Variants in MTUS2 observed in about 807,000 individuals in gnomAD.
MTUS2 encodes the protein microtubule-associated tumor suppressor candidate 2.
In MTUS2, 40 loss-of-function variants were observed where a neutral mutation model predicts 114.1. The observed-to-expected ratio is 0.35, with a 90% CI of 0.27 to 0.46. The LOEUF (loss-of-function observed/expected upper bound fraction) is 0.46, where lower values mean the gene tolerates loss of function less well. Ranked by LOEUF, MTUS2 falls within the 20% of genes least tolerant of loss-of-function variation. MTUS2 has a pLI of 1.00. For missense variants in MTUS2, 1,679 were observed against 1,705.4 expected (o/e 0.98, Z 0.27); for synonymous variants, 688 against 672.0 (o/e 1.02, Z -0.37).
At position 29,001,432 on chromosome 13, in the gene MTUS2, C is replaced by T. The variant is rs1311363565; in HGVS notation, c.-242-23025C>T. Among the ~76,000 whole-genome samples, 5 of 152,020 alleles carry T rather than the reference C, an allele frequency of 3.3e-5. No individual in the cohort carries two copies. In the South Asian group the frequency reaches 6.2e-4, roughly 19 times the overall value. ...TGACAGAACTAGATGACAGGTTGCA[C>T]GTGGAATGCGAGAGAAAGGAGGAGT... On this transcript the variant is annotated intron_variant, in intron 2 of 15. Coordinates refer to ENST00000612955, the MANE Select transcript of MTUS2 (RefSeq NM_001033602.4).
chr13:29,243,032 G>C (rs1452343518), intron 5 of MTUS2, among the ~76,000 whole-genome samples: 1 of 152,158 alleles, frequency 6.6e-6, no homozygotes, highest in African/African-American at 2.4e-5. Flanking sequence ...AATGGAAAAG[G>C]TACAAAGAGA....
intron 2 of MTUS2, among the ~76,000 whole-genome samples, chr13:29,011,218 A>C (rs943633715): frequency 6.6e-6 from 1 of 152,198 alleles, no homozygotes; most frequent in African/African-American, 2.4e-5. Context: ...TATATTTAAA[A>C]CATGCCCATG....
At chr13:29,132,119 A>G (rs1472683778) in intron 5 of MTUS2, among the ~76,000 whole-genome samples, 2 of 152,198 alleles carry the variant, frequency 1.3e-5, no homozygotes, top group Non-Finnish European at 2.9e-5. Context: ...CGTTTCATAT[A>G]CTTGTGTCTG....
rs141904897 is a variant in MTUS2, at chr13:29,375,764, C to T, written c.3117+16291C>T. Among the ~76,000 whole-genome samples the T allele has an allele frequency of 4.7e-3, 713 of 150,642 alleles. 6 individuals are homozygous for T. Among genetic ancestry groups the T allele is most frequent in the African/African-American group, 0.017 (680 of 40,900 alleles). On this transcript the variant is annotated intron_variant, in intron 8 of 15. Coordinates refer to ENST00000612955, the MANE Select transcript of MTUS2 (RefSeq NM_001033602.4). ...TAATGGAAACCAAATACCGTATGTT[C>T]TCACTTATAAGTGGAGCTAAGCTAT...
At chr13:28,893,762 AG>A (rs1426654310) in intron 2 of MTUS2, among the ~76,000 whole-genome samples, 1 of 152,208 alleles carries the variant, frequency 6.6e-6, no homozygotes, top group Non-Finnish European at 1.5e-5. Context: ...ATGAGAAGAC[AG>A]GTTAAACAGA....
chr13:29,368,301 G>A (rs955462769), intron 8 of MTUS2, among the ~76,000 whole-genome samples: 2 of 151,892 alleles, frequency 1.3e-5, no homozygotes, highest in Non-Finnish European at 2.9e-5. Context: ...GTGGGACACA[G>A]TACCCTGTGT....
chr13:29,335,310 C>T (rs978322738), intron 7 of MTUS2, among the ~76,000 whole-genome samples: 8 of 152,304 alleles, frequency 5.3e-5, no homozygotes, highest in African/African-American at 1.9e-4. Flanking sequence ...GAGGAAATTC[C>T]TGCCTAATAA....
In MTUS2 at chr13:29,025,886, C is replaced by A; in HGVS notation, c.1188C>A (p.Pro396=). 6.2e-7 allele frequency: 1 copy of A among 1,613,472 alleles called. No homozygotes were observed. Among genetic ancestry groups the A allele is most frequent in the Non-Finnish European group, 8.5e-7 (1 of 1,179,598 alleles). Residue 396 remains proline (P), a synonymous_variant, in exon 3 of 16, where the codon CCC becomes CCA. Transcript: ENST00000612955. The part of the protein sequence containing the change: ...PGEQDSLHTT[P]KQGSASLGGA... Reference sequence around the variant, plus strand: ...AGCAGGATTCTCTCCACACCACCCCCAAACAGGGCTCTGCTTCCTTAGGAG... The same window carrying A: ...AGCAGGATTCTCTCCACACCACCCCAAAACAGGGCTCTGCTTCCTTAGGAG...
chr13:28,994,336 A>G (rs1165041114), intron 2 of MTUS2, among the ~76,000 whole-genome samples: 2 of 152,260 alleles, frequency 1.3e-5, no homozygotes, highest in Non-Finnish European at 2.9e-5. Context: ...AGTCTTTGCT[A>G]GTGTGAATAG....
intron 2 of MTUS2, among the ~76,000 whole-genome samples, chr13:28,890,839 G>A (rs1878877757): frequency 6.6e-6 from 1 of 152,150 alleles, no homozygotes; most frequent in African/African-American, 2.4e-5. Flanking sequence ...GAGGCCTCCA[G>A]GGATTCCACT....
rs147728621 is a variant in MTUS2 at position 29,480,134 on chromosome 13, T to G, written c.3185-16T>G. 3.5e-5 allele frequency: 54 copies of G among 1,551,576 alleles called. No homozygotes were observed. In the African/African-American group the frequency reaches 6.1e-4, roughly 18 times the overall value. On this transcript the variant is annotated splice_polypyrimidine_tract_variant and intron_variant, in intron 9 of 15. Coordinates refer to ENST00000612955, the MANE Select transcript of MTUS2 (RefSeq NM_001033602.4). The surrounding 1 kb of genome is among the most constrained non-coding windows in gnomAD (Gnocchi z 4.4). ...ACGGCCATTTTTTAAAGAAAGATCT[T>G]GTGCTTTGCGCCCAGCCTTCCATAC...
At chr13:28,953,373 G>A (rs765030365) in intron 2 of MTUS2, among the ~76,000 whole-genome samples, 5 of 152,022 alleles carry the variant, frequency 3.3e-5, no homozygotes, top group South Asian at 2.1e-4. Context: ...GCCGGGCATG[G>A]TGGTGTGCAC....
intron 14 of MTUS2, 75 bp downstream of exon 14, chr13:29,498,612 G>T (rs997898481): frequency 4.4e-6 from 7 of 1,586,686 alleles, no homozygotes; most frequent in Non-Finnish European, 2.6e-6. Flanking sequence ...ATCGTTGATG[G>T]TGTTCAGCCA....
chr13:28,832,946 A>G (rs1407334747), intron 1 of MTUS2, among the ~76,000 whole-genome samples: 1 of 152,040 alleles, frequency 6.6e-6, no homozygotes, highest in Admixed American at 6.6e-5. Context: ...AAATAAATTT[A>G]TTTCAACAAA....
At chr13:29,155,032 A>T (rs1376931158) in intron 5 of MTUS2, among the ~76,000 whole-genome samples, 4 of 152,240 alleles carry the variant, frequency 2.6e-5, no homozygotes, top group African/African-American at 7.2e-5. Flanking sequence ...ACCTGAGCTC[A>T]TAGGCGTCTG....
At chr13:28,995,142 A>G (rs1885039800) in intron 2 of MTUS2, among the ~76,000 whole-genome samples, 1 of 152,224 alleles carries the variant, frequency 6.6e-6, no homozygotes, top group Admixed American at 6.5e-5. Flanking sequence ...TCCCAGCACC[A>G]TTTATTAAAT....
intron 8 of MTUS2, among the ~76,000 whole-genome samples, chr13:29,424,273 C>CT (rs1226933928): frequency 6.6e-6 from 1 of 152,164 alleles, no homozygotes; most frequent in Non-Finnish European, 1.5e-5. Context: ...CCTAATTACA[C>CT]TGATTTGATT....
intron 2 of MTUS2, among the ~76,000 whole-genome samples, chr13:28,851,176 G>T (rs764803094): frequency 2.6e-5 from 4 of 152,174 alleles, no homozygotes; most frequent in Non-Finnish European, 4.4e-5. Context: ...ACTTATGTTG[G>T]TATAGGAAGT....
chr13:28,967,957 C>G (rs1038913901), intron 2 of MTUS2, among the ~76,000 whole-genome samples: 2 of 152,058 alleles, frequency 1.3e-5, no homozygotes, highest in African/African-American at 4.8e-5. Flanking sequence ...ATTTCAATAG[C>G]GTTTATTTTT....
Sources: allele counts gnomAD v4.1 joint callset (sites outside exome capture counted in the v4.1 genomes callset), GRCh38; gene constraint gnomAD v4.1.1; non-coding constraint Gnocchi (gnomAD v3.1); transcripts MANE v1.5; gene names NCBI Gene and HGNC (gene_info 2026-07-23, HGNC 2026-07-21).